GATAD2B: variants seen among roughly 807,000 people sequenced by gnomAD.
The protein encoded by GATAD2B is GATA zinc finger domain containing 2B.
Under a neutral mutation model 64.3 loss-of-function variants are expected in GATAD2B, and 8 were observed. The ratio of observed to expected loss-of-function variants is 0.12; its 90% CI spans 0.07 to 0.22. The LOEUF (loss-of-function observed/expected upper bound fraction) is 0.22, where lower values mean the gene tolerates loss of function less well. Among genes scored for constraint, GATAD2B ranks in the 10% least tolerant of loss-of-function variants. The pLI, the probability that GATAD2B is intolerant of heterozygous loss-of-function variation, is 1.00. For synonymous variants in GATAD2B, 281 were observed against 271.3 expected, an observed-to-expected ratio of 1.04 and a Z score of -0.35; for missense variants, 453 against 752.0, an observed-to-expected ratio of 0.60 and a Z score of 4.65.
intron 1 of GATAD2B, among the ~76,000 whole-genome samples, chr1:153,904,721 TC>T (rs1557831381): frequency 6.6e-6 from 1 of 151,898 alleles, no homozygotes; most frequent in Non-Finnish European, 1.5e-5. Flanking sequence ...TTTTTTTTTT[TC>T]TCAGACAGAG....
chr1:153,919,206 C>T (rs1044489827), intron 1 of GATAD2B, among the ~76,000 whole-genome samples: 6 of 152,164 alleles, frequency 3.9e-5, no homozygotes. Context: ...GCTTTTTGTA[C>T]TATAACCCAA....
intron 1 of GATAD2B, among the ~76,000 whole-genome samples, chr1:153,889,241 T>C (rs1258333119): frequency 6.6e-6 from 1 of 151,174 alleles, no homozygotes; most frequent in African/African-American, 2.4e-5. Flanking sequence ...GGAAAAAACC[T>C]ATCTCTACTA....
rs1277640214 is a variant in GATAD2B, at chr1:153,879,082, G to A, written c.-2+43651C>T. Among the ~76,000 whole-genome samples, 3 of 152,166 alleles carry A rather than the reference G, an allele frequency of 2.0e-5. 1 individual carries two copies. Among genetic ancestry groups the A allele is most frequent in the African/African-American group, 4.8e-5 (2 of 41,436 alleles). ...AGCCTCCCGAGTAGCTGGGACTACA[G>A]GCGCAAGCCACCACGCCCGGCTAAT... On this transcript the variant is annotated intron_variant, in intron 1 of 10. Coordinates refer to ENST00000368655, the MANE Select transcript of GATAD2B (RefSeq NM_020699.4).
intron 1 of GATAD2B, among the ~76,000 whole-genome samples, chr1:153,887,160 A>C (rs978443238): frequency 6.6e-6 from 1 of 152,192 alleles, no homozygotes; most frequent in Non-Finnish European, 1.5e-5. Flanking sequence ...AAAATAGCTC[A>C]ACTGGTCAAA....
rs547540621 is a variant in GATAD2B, at chr1:153,834,996, C to A, written c.-1-6648G>T. On this transcript the variant is annotated intron_variant, in intron 1 of 10. Transcript: ENST00000368655. ...AAAATTAGTTGGGCACGGTGGCATG[C>A]ACCTCACTCAGGAGAGTGAGGTGAG... Among the ~76,000 whole-genome samples the A allele has an allele frequency of 1.9e-3, 283 of 152,004 alleles. 1 individual carries two copies. The highest frequency in any genetic ancestry group is 6.6e-3 in the African/African-American group (272 of 41,460).
Position 153,914,351 on chromosome 1 carries a change from TTGAC to T in GATAD2B, c.-2+8378_-2+8381del, listed in dbSNP as rs549991878. Among the ~76,000 whole-genome samples the T allele has an allele frequency of 1.3e-3, 191 of 152,254 alleles. 1 individual carries two copies. Among genetic ancestry groups the T allele is most frequent in the African/African-American group, 4.4e-3 (183 of 41,556 alleles). On this transcript the variant is annotated intron_variant, in intron 1 of 10. Transcript: ENST00000368655. The stretch of plus-strand genomic sequence containing the variant: ...GTAACCTTTACATGCATTATCTTAT[TTGAC>T]TGACAAAGAAACCTAGCGAAATAGA...
chr1:153,891,752 G>A (rs900100199), intron 1 of GATAD2B, among the ~76,000 whole-genome samples: 1 of 150,878 alleles, frequency 6.6e-6, no homozygotes, highest in South Asian at 2.1e-4. Flanking sequence ...TTTTCCAATT[G>A]TAAATTCTGT....
At chr1:153,823,273 T>C (rs1172431721) in intron 2 of GATAD2B, among the ~76,000 whole-genome samples, 1 of 152,220 alleles carries the variant, frequency 6.6e-6, no homozygotes, top group Admixed American at 6.5e-5. Flanking sequence ...ACATCACTTG[T>C]GACTTAGTCT....
At chr1:153,852,437 T>G in intron 1 of GATAD2B, 1 of 765,240 alleles carries the variant, frequency 1.3e-6, no homozygotes, top group Non-Finnish European at 2.4e-6. Context: ...GGCCGTGGCA[T>G]GTGGTCTGGA....
At chr1:153,899,658 T>G (rs1215272944) in intron 1 of GATAD2B, among the ~76,000 whole-genome samples, 1 of 151,720 alleles carries the variant, frequency 6.6e-6, no homozygotes, top group Non-Finnish European at 1.5e-5. Context: ...AAGACAACTG[T>G]TTTTTTTGAA....
At chr1:153,895,009 T>G (rs1409635348) in intron 1 of GATAD2B, among the ~76,000 whole-genome samples, 1 of 151,760 alleles carries the variant, frequency 6.6e-6, no homozygotes, top group Non-Finnish European at 1.5e-5. Context: ...AAATACAAAA[T>G]TAGTCAGGTG....
At chr1:153,810,370 CA>C in intron 10 of GATAD2B, 60 bp from the exon 11 acceptor site, 1 of 1,545,400 alleles carries the variant, frequency 6.5e-7, no homozygotes, top group East Asian at 2.3e-5. Flanking sequence ...CATTCCCTTC[CA>C]CTCTACCCTC....
chr1:153,841,124 CAAAAAAA>C (rs941317761), intron 1 of GATAD2B, among the ~76,000 whole-genome samples: 7 of 77,438 alleles, frequency 9.0e-5, no homozygotes, highest in African/African-American at 3.3e-4. Flanking sequence ...GACTCCGTCT[CAAAAAAA>C]AAAAAAAAAA....
At chr1:153,812,334 C>T in intron 8 of GATAD2B, 1 of 520,390 alleles carries the variant, frequency 1.9e-6, no homozygotes. Flanking sequence ...CCTGGCCCAC[C>T]CAATTTCCTA....
chr1:153,817,960 T>C (rs569671275), intron 5 of GATAD2B, 80 bp downstream of exon 5: 2 of 1,290,610 alleles, frequency 1.5e-6, no homozygotes, highest in Admixed American at 5.0e-5. Flanking sequence ...GGTTCTTCTA[T>C]AATCTTCACA....
intron 1 of GATAD2B, among the ~76,000 whole-genome samples, chr1:153,829,305 A>G (rs1020373328): frequency 3.3e-5 from 5 of 152,378 alleles, no homozygotes; most frequent in Middle Eastern, 3.4e-3. Flanking sequence ...CAGCAAAGAT[A>G]AAATAGTAAG....
At chr1:153,872,762 T>C (rs1490601983) in intron 1 of GATAD2B, among the ~76,000 whole-genome samples, 2 of 152,178 alleles carry the variant, frequency 1.3e-5, no homozygotes, top group African/African-American at 2.4e-5. Context: ...AAAAATGCTG[T>C]TCTATGAAGA....
At chr1:153,839,255 C>CGA (rs918615164) in intron 1 of GATAD2B, among the ~76,000 whole-genome samples, 1 of 151,916 alleles carries the variant, frequency 6.6e-6, no homozygotes, top group African/African-American at 2.4e-5. Flanking sequence ...AATAGCTCTA[C>CGA]ATTCATGCTT....
At chr1:153,828,432 A>C in intron 1 of GATAD2B, 84 bp from the exon 2 acceptor site, 1 of 903,082 alleles carries the variant, frequency 1.1e-6, no homozygotes, top group Non-Finnish European at 1.7e-6. Flanking sequence ...TGAAGTTATT[A>C]ACAAGAATCT....
Sources: allele counts gnomAD v4.1 joint callset (sites outside exome capture counted in the v4.1 genomes callset), GRCh38; gene constraint gnomAD v4.1.1; transcripts MANE v1.5; gene names NCBI Gene and HGNC (gene_info 2026-07-23, HGNC 2026-07-21).